Variants in TMED2 observed in about 807,000 individuals in gnomAD.
TMED2 encodes the protein transmembrane emp24 domain-containing protein 2.
A neutral mutation model predicts 17.5 loss-of-function variants in TMED2; 3 were observed. The observed-to-expected ratio is 0.17, with a 90% CI of 0.08 to 0.44. The LOEUF (loss-of-function observed/expected upper bound fraction) is 0.44, where lower values mean the gene tolerates loss of function less well. TMED2 is among the 20% of genes least tolerant of loss of function. TMED2 has a pLI of 0.99. For synonymous variants in TMED2, 95 were observed against 91.0 expected (o/e 1.04, Z -0.25); for missense variants, 149 against 254.8 (o/e 0.58, Z 2.83).
At chr12:123,584,919 G>T in intron 1 of TMED2, 103 bp downstream of exon 1, 1 of 1,433,472 alleles carries the variant, frequency 7.0e-7, no homozygotes, top group South Asian at 1.3e-5. Context: ...GGGCTTGGAA[G>T]TCGCTGTCCG....
chr12:123,587,508 C>T (rs1293240195), intron 2 of TMED2: 9 of 866,176 alleles, frequency 1.0e-5, no homozygotes, highest in Non-Finnish European at 1.4e-5. Context: ...TGTTTATTTG[C>T]TAATCCTGGC....
chr12:123,591,851 G>A (rs1009764682), intron 3 of TMED2, among the ~76,000 whole-genome samples: 5 of 152,228 alleles, frequency 3.3e-5, no homozygotes, highest in Non-Finnish European at 7.3e-5. Flanking sequence ...GGAGGCTGAG[G>A]CGGGGGATTG....
intron 2 of TMED2, among the ~76,000 whole-genome samples, chr12:123,589,399 T>G (rs1953375034): frequency 6.6e-6 from 1 of 152,228 alleles, no homozygotes; most frequent in Non-Finnish European, 1.5e-5. Flanking sequence ...CTCTTAGACT[T>G]TATTTGTAGG....
At chr12:123,589,668 G>C (rs1338001609) in intron 2 of TMED2, among the ~76,000 whole-genome samples, 3 of 152,142 alleles carry the variant, frequency 2.0e-5, no homozygotes, top group African/African-American at 7.2e-5. Context: ...CATATCAGTA[G>C]TCCAAATTGA....
intron 3 of TMED2, among the ~76,000 whole-genome samples, chr12:123,590,777 A>T (rs1243035996): frequency 6.6e-6 from 1 of 152,110 alleles, no homozygotes; most frequent in Non-Finnish European, 1.5e-5. Flanking sequence ...TGAGGTTGGG[A>T]GTTCGAGACC....
intron 1 of TMED2, 119 bp downstream of exon 1, chr12:123,584,935 T>G (rs1886310579): frequency 1.5e-6 from 2 of 1,307,862 alleles, no homozygotes; most frequent in Non-Finnish European, 2.1e-6. Context: ...GTCCGAGTCC[T>G]GGAGAAGCCC....
rs144875790 is a variant in TMED2, at chr12:123,597,336, A to C, written c.*607A>C. On this transcript the variant is annotated 3_prime_UTR_variant, in exon 4 of 4. Transcript: ENST00000262225. ...CACATACATTTTTACATTGTACCTT[A>C]GGACTCAGTCATCTCCACTTAAATT... 233 of 152,332 alleles carry C rather than the reference A, an allele frequency of 1.5e-3. 1 individual carries two copies. The highest frequency in any genetic ancestry group is 5.3e-3 in the African/African-American group (221 of 41,570). 9.4% of individuals were successfully genotyped at this position (152,332 alleles called of 1,614,324 possible). A position where few individuals can be genotyped will look rare whatever the true frequency, so the allele number is the denominator to read the frequency against.
chr12:123,592,650 C>T (rs77202872), intron 3 of TMED2, among the ~76,000 whole-genome samples: 1,803 of 152,238 alleles, frequency 0.012, 36 homozygotes, highest in Admixed American at 0.049. Flanking sequence ...TCCTATAGGA[C>T]CCACTCCTCA....
At chr12:123,590,566 T>C (rs776173970) in intron 3 of TMED2, 117 bp downstream of exon 3, 2 of 700,106 alleles carry the variant, frequency 2.9e-6, no homozygotes, top group Non-Finnish European at 4.7e-6. Context: ...AAGCATTGAC[T>C]TTAAAAGTGT....
rs891270836 is a variant in TMED2, at chr12:123,598,535, T to C, written c.*1806T>C. 6.6e-6 allele frequency: 1 copy of C among 152,232 alleles called. No homozygotes were observed. The highest frequency in any genetic ancestry group is 1.5e-5 in the Non-Finnish European group (1 of 68,038). The allele number at this position is 152,232 out of a possible 1,614,324, so 9.4% of individuals were successfully genotyped here. ...CCACCTGTAGAAACTGTTCTTCCTC[T>C]GTGAAACTAACGGCCTGCTGGTAAT... On this transcript the variant is annotated 3_prime_UTR_variant, in exon 4 of 4. Coordinates refer to ENST00000262225, the MANE Select transcript of TMED2 (RefSeq NM_006815.4).
At chr12:123,594,298 G>C (rs1197739858) in intron 3 of TMED2, among the ~76,000 whole-genome samples, 1 of 151,662 alleles carries the variant, frequency 6.6e-6, no homozygotes, top group Non-Finnish European at 1.5e-5. Flanking sequence ...CCACGCCTGG[G>C]TAATTTTTTT....
intron 3 of TMED2, among the ~76,000 whole-genome samples, chr12:123,590,935 A>G (rs1034472169): frequency 1.3e-5 from 2 of 151,410 alleles, no homozygotes; most frequent in African/African-American, 4.9e-5. Context: ...GTGAGCTGAG[A>G]TTGGGCCACT....
At chr12:123,586,398 TGGAGTGCAGTG>T (rs1953346182) in intron 1 of TMED2, 2 of 155,330 alleles carry the variant, frequency 1.3e-5, no homozygotes, top group Admixed American at 1.3e-4. Context: ...TCGCCCAGGC[TGGAGTGCAGTG>T]GCACGATCTC....
In TMED2 at chr12:123,597,344, G is replaced by T. The variant is rs1056423842; in HGVS notation, c.*615G>T. On this transcript the variant is annotated 3_prime_UTR_variant, in exon 4 of 4. Coordinates refer to ENST00000262225, the MANE Select transcript of TMED2 (RefSeq NM_006815.4). ...TTTTTACATTGTACCTTAGGACTCA[G>T]TCATCTCCACTTAAATTGATGACAC... is the stretch of plus-strand genomic sequence containing the variant. 1 of 152,310 alleles carries T rather than the reference G, an allele frequency of 6.6e-6. No individual in the cohort carries two copies. The highest frequency in any genetic ancestry group is 2.4e-5 in the African/African-American group (1 of 41,560). The allele number at this position is 152,310 out of a possible 1,614,324, so 9.4% of individuals were successfully genotyped here.
chr12:123,596,176 T>C (rs181995961), intron 3 of TMED2, among the ~76,000 whole-genome samples: 17 of 152,332 alleles, frequency 1.1e-4, no homozygotes, highest in Non-Finnish European at 2.1e-4. Context: ...CAAGTACCCA[T>C]GCAACCATTC....
rs760421965 is a variant in TMED2 at position 123,590,388 on chromosome 12, G to A, written c.420G>A (p.Ala140=). The change falls in exon 3 of 4, where the codon GCG becomes GCA. Residue 140 remains alanine, a synonymous_variant. Transcript: ENST00000262225. ...LEEMINELAV[A]MTAVKHEQEY... ...AAATGATCAATGAGCTAGCAGTGGC[G>A]ATGACAGCTGTAAAGCACGAACAGG... is the stretch of plus-strand genomic sequence containing the variant. 37 of 1,609,852 alleles carry A rather than the reference G, an allele frequency of 2.3e-5. No homozygotes were observed. Among genetic ancestry groups the A allele is most frequent in the African/African-American group, 8.0e-5 (6 of 74,776 alleles).
intron 2 of TMED2, chr12:123,587,660 T>G (rs1222867687): frequency 3.2e-6 from 4 of 1,267,030 alleles, no homozygotes; most frequent in South Asian, 1.3e-5. Context: ...GACAGCATCC[T>G]TTTTGCATCT....
At chr12:123,589,423 A>G (rs1028272640) in intron 2 of TMED2, among the ~76,000 whole-genome samples, 2 of 152,208 alleles carry the variant, frequency 1.3e-5, no homozygotes, top group African/African-American at 4.8e-5. Flanking sequence ...ACATTTTAAA[A>G]ATACAGGTAT....
At chr12:123,596,416 G>T (rs1468753998) in intron 3 of TMED2, among the ~76,000 whole-genome samples, 189 bp from the exon 4 acceptor site, 4 of 152,102 alleles carry the variant, frequency 2.6e-5, no homozygotes, top group Non-Finnish European at 5.9e-5. Context: ...ATATATTTTT[G>T]ACTTATGTAT....
Sources: gnomAD v4.1 joint callset for allele counts (sites outside exome capture counted in the v4.1 genomes callset) on GRCh38, gnomAD v4.1.1 for gene constraint, MANE v1.5 for transcripts, NCBI Gene and HGNC (gene_info 2026-07-23, HGNC 2026-07-21) for gene names.